PHLDB1: variants seen among roughly 807,000 people sequenced by gnomAD.
The protein encoded by PHLDB1 is pleckstrin homology like domain family B member 1.
A neutral mutation model predicts 139.3 loss-of-function variants in PHLDB1; 65 were observed. The ratio of observed to expected loss-of-function variants is 0.47; its 90% CI spans 0.38 to 0.57. The LOEUF (loss-of-function observed/expected upper bound fraction) is 0.57, where lower values mean the gene tolerates loss of function less well. Among genes scored for constraint, PHLDB1 ranks in the 20% least tolerant of loss-of-function variants. PHLDB1 has a pLI of 0.00. For missense variants in PHLDB1, 1,624 were observed against 1,839.7 expected (o/e 0.88, Z 2.14); for synonymous variants, 679 against 734.5 (o/e 0.92, Z 1.22).
At chr11:118,638,359 A>G (rs1212562432) in intron 10 of PHLDB1, among the ~76,000 whole-genome samples, 1 of 152,258 alleles carries the variant, frequency 6.6e-6, no homozygotes, top group Non-Finnish European at 1.5e-5. Flanking sequence ...GATTTTTAAA[A>G]AATTATTCAA....
At chr11:118,627,075 G>A in intron 5 of PHLDB1, 1 of 574,394 alleles carries the variant, frequency 1.7e-6, no homozygotes, top group Non-Finnish European at 3.0e-6. Flanking sequence ...TCACAGGCAG[G>A]AAGGCCCTGC....
At chr11:118,639,316 C>A in intron 12 of PHLDB1, 65 bp downstream of exon 12, 2 of 1,188,502 alleles carry the variant, frequency 1.7e-6, no homozygotes, top group Non-Finnish European at 2.5e-6. Flanking sequence ...CTGAGTAACA[C>A]ATGGCACTTT....
At chr11:118,617,137 C>A (rs1941813715) in intron 4 of PHLDB1, among the ~76,000 whole-genome samples, 1 of 152,210 alleles carries the variant, frequency 6.6e-6, no homozygotes, top group Non-Finnish European at 1.5e-5. Flanking sequence ...CCAGGTAGCA[C>A]TTTGACAGAC....
chr11:118,607,744 C>T (rs1939403969), intron 1 of PHLDB1, 45 bp downstream of exon 1: 2 of 145,448 alleles, frequency 1.4e-5, no homozygotes, highest in South Asian at 2.4e-4. Flanking sequence ...CCATTCGCTG[C>T]GGTGCTAGGA....
At chr11:118,640,843 T>A (rs1238505887) in intron 12 of PHLDB1, 2 of 152,264 alleles carry the variant, frequency 1.3e-5, no homozygotes, top group East Asian at 3.9e-4. Flanking sequence ...GCATGGGCCT[T>A]CAGGGTCTGC....
chr11:118,628,802 C>T, intron 6 of PHLDB1, 152 bp downstream of exon 6: 1 of 643,364 alleles, frequency 1.6e-6, no homozygotes, highest in Non-Finnish European at 2.6e-6. Flanking sequence ...TGATCAATAT[C>T]TTATGGTTCT....
In PHLDB1 at chr11:118,620,263, C is replaced by T. The variant is rs572322844; in HGVS notation, c.355+4052C>T. 1.4e-4 allele frequency among the ~76,000 whole-genome samples: 21 copies of T among 152,308 alleles called. 1 individual carries two copies. The East Asian group carries it at 3.7e-3, about 27-fold the overall frequency. On this transcript the variant is annotated intron_variant, in intron 4 of 22. Coordinates refer to ENST00000600882, the MANE Select transcript of PHLDB1 (RefSeq NM_001144758.3). This position sits in a 1 kb window ranked among gnomAD's most constrained non-coding sequence, Gnocchi z 4.1. ...ATCCCAACACTTTGGGAGGCCGAGG[C>T]GGGCAGATCACCTGAGGTCGGGAGT...
Position 118,650,332 on chromosome 11 carries a change from G to A in PHLDB1, c.3772-113G>A. The A allele has an allele frequency of 1.0e-6, 1 of 991,182 alleles. No homozygotes were observed. The highest frequency in any genetic ancestry group is 1.3e-5 in the South Asian group (1 of 76,636). The allele number at this position is 991,182 out of a possible 1,614,324, so 61.4% of individuals were successfully genotyped here. ...CTCTGTCCCAGGACCTGGTGTGCTG[G>A]CCTGAGGAGATGTTGGGGACAATCC... On this transcript the variant is annotated intron_variant, in intron 19 of 22. Transcript: ENST00000600882. This position sits in a 1 kb window ranked among gnomAD's most constrained non-coding sequence, Gnocchi z 4.7.
chr11:118,638,708 G>A (rs1220457686), intron 10 of PHLDB1, among the ~76,000 whole-genome samples, 183 bp from the exon 11 acceptor site: 1 of 152,100 alleles, frequency 6.6e-6, no homozygotes, highest in Non-Finnish European at 1.5e-5. Context: ...GGGAGGGAGG[G>A]AGGCCCGAGG....
Position 118,625,019 on chromosome 11 carries a change from AG to A in PHLDB1, c.446del (p.Gly149AlafsTer19), listed in dbSNP as rs782329272. The A allele has an allele frequency of 6.2e-7, 1 of 1,613,556 alleles. No individual in the cohort carries two copies. Among genetic ancestry groups the A allele is most frequent in the East Asian group, 2.2e-5 (1 of 44,882 alleles). The part of the protein sequence containing the change: ...AKWMKSMIPA[G>X]GRAPGPPYSP... Reference sequence around the variant, plus strand: ...AGTGGATGAAAAGCATGATTCCAGCAGGGGGCCGAGCCCCTGGGCCCCCCTA... The same window carrying A: ...AGTGGATGAAAAGCATGATTCCAGCAGGGGCCGAGCCCCTGGGCCCCCCTA... On this transcript the variant is annotated frameshift_variant, in exon 5 of 23. Coordinates refer to ENST00000600882, the MANE Select transcript of PHLDB1 (RefSeq NM_001144758.3). LOFTEE classifies it high-confidence loss of function.
At chr11:118,613,931 A>G (rs1184800813) in intron 2 of PHLDB1, 35 bp downstream of exon 2, 1 of 1,330,748 alleles carries the variant, frequency 7.5e-7, no homozygotes, top group Non-Finnish European at 1.1e-6. Context: ...CAAGAGAGAT[A>G]TAATAGGGAT....
At chr11:118,626,126 TGCTGGCAGCCTG>T (rs1269124845) in intron 5 of PHLDB1, among the ~76,000 whole-genome samples, 1 of 152,166 alleles carries the variant, frequency 6.6e-6, no homozygotes, top group Non-Finnish European at 1.5e-5. Context: ...TTCACCTCCT[TGCTGGCAGCCTG>T]GCTTCCAGGA....
Position 118,627,742 on chromosome 11 carries a change from C to A in PHLDB1, c.919C>A (p.Arg307Ser). Reference protein sequence around the residue: ...QPPQSRPSGARSESPRLSRKG... With the variant: ...QPPQSRPSGASSESPRLSRKG... ...CCCACAGTCCCGCCCAAGTGGTGCT[C>A]GCTCCGAGAGTCCTCGGCTGAGCAG... The change falls in exon 6 of 23, where the codon CGC becomes AGC. Residue 307 changes from arginine to serine, a missense_variant. Arg to Ser is a moderately radical substitution (Grantham distance 110). Transcript: ENST00000600882. 2 of 1,608,926 alleles carry A rather than the reference C, an allele frequency of 1.2e-6. No homozygotes were observed.
At chr11:118,643,368 A>G (rs1946900221) in intron 13 of PHLDB1, 1 of 216,918 alleles carries the variant, frequency 4.6e-6, no homozygotes. Flanking sequence ...GAGCTTGGCC[A>G]TTATTTAGTC....
At chr11:118,629,024 G>A (rs1944346090) in intron 6 of PHLDB1, among the ~76,000 whole-genome samples, 1 of 152,250 alleles carries the variant, frequency 6.6e-6, no homozygotes, top group South Asian at 2.1e-4. Context: ...TCATGAGTAG[G>A]CTGAAGCTCA....
rs782677860 is a variant in PHLDB1 at position 118,627,495 on chromosome 11, G to A, written c.672G>A (p.Pro224=). ...CTGCCGCAACCTCTCCACTGTCACC[G>A]ATGGCTAATGGTGGGCGCTACCTGC... ...KKPAATSPLS[P]MANGGRYLLS... The change falls in exon 6 of 23, where the codon CCG becomes CCA. Residue 224 remains proline, a synonymous_variant. Coordinates refer to ENST00000600882, the MANE Select transcript of PHLDB1 (RefSeq NM_001144758.3). The A allele has an allele frequency of 8.1e-6, 13 of 1,614,048 alleles. No individual in the cohort carries two copies. The East Asian group carries it at 1.3e-4, about 17-fold the overall frequency.
At chr11:118,643,969 T>G (rs1555124184) in intron 14 of PHLDB1, 29 bp downstream of exon 14, 2 of 1,591,110 alleles carry the variant, frequency 1.3e-6, no homozygotes, top group Non-Finnish European at 1.7e-6. Context: ...GGGCTGCACA[T>G]GTGGCTGGGG....
chr11:118,623,521 T>C (rs1360203714), intron 4 of PHLDB1, among the ~76,000 whole-genome samples: 1 of 151,938 alleles, frequency 6.6e-6, no homozygotes, highest in Non-Finnish European at 1.5e-5. Flanking sequence ...GGGAATGTGC[T>C]TGGCTGAGGC....
chr11:118,632,067 T>A lies in PHLDB1; in HGVS notation c.2241+14T>A. On this transcript the variant is annotated intron_variant, in intron 8 of 22. Coordinates refer to ENST00000600882, the MANE Select transcript of PHLDB1 (RefSeq NM_001144758.3). This position sits in a 1 kb window ranked among gnomAD's most constrained non-coding sequence, Gnocchi z 5.9. Reference sequence around the variant, plus strand: ...TCAGCCCGAGAGGTGAGCCGTGAAGTCCCTAGCTGGACTCTTCCCTAGGCC... The same window carrying A: ...TCAGCCCGAGAGGTGAGCCGTGAAGACCCTAGCTGGACTCTTCCCTAGGCC... 2.5e-6 allele frequency: 4 copies of A among 1,613,656 alleles called. No individual in the cohort carries two copies. Among genetic ancestry groups the A allele is most frequent in the Non-Finnish European group, 2.5e-6 (3 of 1,179,778 alleles).
Sources: gnomAD v4.1 joint callset for allele counts (sites outside exome capture counted in the v4.1 genomes callset) on GRCh38, gnomAD v4.1.1 for gene constraint, Gnocchi (gnomAD v3.1) non-coding constraint, MANE v1.5 for transcripts, NCBI Gene and HGNC (gene_info 2026-07-23, HGNC 2026-07-21) for gene names.